The following GRIA2 variants were observed in gnomAD, a reference collection of about 807,000 sequenced individuals.
GRIA2 encodes glutamate ionotropic receptor AMPA type subunit 2, also known as glutamate receptor 2.
Under a neutral mutation model 97.3 loss-of-function variants are expected in GRIA2, and 14 were observed. The ratio of observed to expected loss-of-function variants is 0.14; its 90% confidence interval spans 0.10 to 0.23. GRIA2 has a LOEUF of 0.23. GRIA2 is among the 10% of genes least tolerant of loss of function. The pLI is 1.00. For synonymous variants in GRIA2, 412 were observed against 387.8 expected (o/e 1.06, Z -0.73); for missense variants, 558 against 1,069.8 (o/e 0.52, Z 6.67).
intron 2 of GRIA2, among the ~76,000 whole-genome samples, chr4:157,239,159 C>T (rs142375767): frequency 1.2e-4 from 18 of 152,118 alleles, no homozygotes; most frequent in African/African-American, 4.3e-4. Context: ...TAGAACTATT[C>T]CCATGAAATA....
At chr4:157,363,370 T>C in intron 15 of GRIA2, 65 bp from the exon 16 acceptor site, 1 of 1,066,342 alleles carries the variant, frequency 9.4e-7, no homozygotes, top group Non-Finnish European at 1.2e-6. Flanking sequence ...GCCTTTCCTC[T>C]GGATGCATTT....
intron 3 of GRIA2, among the ~76,000 whole-genome samples, chr4:157,308,527 A>G (rs1192894081): frequency 1.3e-5 from 2 of 152,212 alleles, no homozygotes; most frequent in Admixed American, 1.3e-4. Context: ...TAGATGATCA[A>G]CTATGTATCT....
chr4:157,264,652 A>G lies in GRIA2; in HGVS notation c.230-38900A>G, dbSNP rs1000917692. Among the ~76,000 whole-genome samples the G allele has an allele frequency of 6.6e-5, 10 of 152,084 alleles. No homozygotes were observed. The East Asian group carries it at 1.9e-3, about 29-fold the overall frequency. On this transcript the variant is annotated intron_variant, in intron 2 of 15. Coordinates refer to ENST00000264426, the MANE Select transcript of GRIA2 (RefSeq NM_001083619.3). ...ACATGGGGGACCATTTATTCTACCC[A>G]CCACAGATGATTGTAACATAATAAA... is the stretch of plus-strand genomic sequence containing the variant.
intron 11 of GRIA2, among the ~76,000 whole-genome samples, chr4:157,338,144 A>T (rs1022273648): frequency 6.6e-6 from 1 of 150,940 alleles, no homozygotes; most frequent in African/African-American, 2.4e-5. Flanking sequence ...AAAGATATAC[A>T]GAGAAGTTTC....
chr4:157,275,607 A>G (rs1040500550), intron 2 of GRIA2, among the ~76,000 whole-genome samples: 1 of 152,140 alleles, frequency 6.6e-6, no homozygotes, highest in Admixed American at 6.6e-5. Flanking sequence ...TTTTCCCAGC[A>G]CCATTTATTA....
intron 2 of GRIA2, among the ~76,000 whole-genome samples, chr4:157,261,636 A>C (rs2126769118): frequency 6.6e-6 from 1 of 152,270 alleles, no homozygotes; most frequent in East Asian, 1.9e-4. Flanking sequence ...CAATATGTGG[A>C]AATTAGATTA....
rs921569903 is a variant in GRIA2 at position 157,363,731 on chromosome 4, G to C, written c.*300G>C. ...TTCTTAAATATGTGGAGTTCATCTTGAATTGTAAGGAATGATTAATTAAAA... is the reference window on the plus strand; with the variant it reads ...TTCTTAAATATGTGGAGTTCATCTTCAATTGTAAGGAATGATTAATTAAAA... On this transcript the variant is annotated 3_prime_UTR_variant, in exon 16 of 16. Transcript: ENST00000264426. The C allele has an allele frequency of 2.4e-6, 1 of 418,328 alleles. No individual in the cohort carries two copies. Among genetic ancestry groups the C allele is most frequent in the Admixed American group, 4.4e-5 (1 of 22,648 alleles). The allele number at this position is 418,328 out of a possible 1,614,324, so 25.9% of individuals were successfully genotyped here. A position where few individuals can be genotyped will look rare whatever the true frequency, so the allele number is the denominator to read the frequency against.
At chr4:157,311,010 T>G (rs776433875) in intron 3 of GRIA2, among the ~76,000 whole-genome samples, 15 of 152,046 alleles carry the variant, frequency 9.9e-5, no homozygotes, top group Non-Finnish European at 1.5e-4. Flanking sequence ...TTTTGGGTAG[T>G]TACCAGTAGT....
intron 6 of GRIA2, among the ~76,000 whole-genome samples, chr4:157,331,652 G>T (rs1418625163): frequency 6.6e-6 from 1 of 151,878 alleles, no homozygotes; most frequent in African/African-American, 2.4e-5. Context: ...GTCCTGTATT[G>T]TCATCTCAGG....
At position 157,221,181 on chromosome 4, in the gene GRIA2, T is replaced by C. The variant is rs747780560; in HGVS notation, c.88+51T>C. ...TGAATTGTGCATAATTTGGTGGTAA[T>C]CTTTGTTCACAGTGTACAAATTAAT... On this transcript the variant is annotated intron_variant, in intron 1 of 15. Transcript: ENST00000264426. The C allele has an allele frequency of 7.5e-6, 7 of 934,544 alleles. No individual in the cohort carries two copies. The East Asian group carries it at 1.2e-4, about 16-fold the overall frequency. 57.9% of individuals were successfully genotyped at this position (934,544 alleles called of 1,614,324 possible). A position where few individuals can be genotyped will look rare whatever the true frequency, so the allele number is the denominator to read the frequency against.
chr4:157,332,755 G>T lies in GRIA2; in HGVS notation c.883-64G>T, dbSNP rs142738440. 3.9e-4 allele frequency: 477 copies of T among 1,214,894 alleles called. 3 individuals carry two copies. In the African/African-American group the frequency reaches 6.1e-3, roughly 16 times the overall value. The allele number at this position is 1,214,894 out of a possible 1,614,324, so 75.3% of individuals were successfully genotyped here. A position where few individuals can be genotyped will look rare whatever the true frequency, so the allele number is the denominator to read the frequency against. On this transcript the variant is annotated intron_variant, in intron 6 of 15. Coordinates refer to ENST00000264426, the MANE Select transcript of GRIA2 (RefSeq NM_001083619.3). Reference sequence around the variant, plus strand: ...GTGCTGAGCAACTGCAGTCTTGATTGCTGGGGTGCAGTGAGTTTCTGAATT... The same window carrying T: ...GTGCTGAGCAACTGCAGTCTTGATTTCTGGGGTGCAGTGAGTTTCTGAATT...
At chr4:157,272,576 A>G (rs1732082853) in intron 2 of GRIA2, among the ~76,000 whole-genome samples, 1 of 152,050 alleles carries the variant, frequency 6.6e-6, no homozygotes, top group Non-Finnish European at 1.5e-5. Context: ...AATGTGTTTC[A>G]CCTTCTAGAG....
At chr4:157,328,388 G>T (rs891345050) in intron 6 of GRIA2, among the ~76,000 whole-genome samples, 1 of 151,974 alleles carries the variant, frequency 6.6e-6, no homozygotes, top group South Asian at 2.1e-4. Context: ...CTGTCTCTTA[G>T]AGATTGTAGT....
At chr4:157,257,308 C>T (rs889903003) in intron 2 of GRIA2, among the ~76,000 whole-genome samples, 12 of 151,926 alleles carry the variant, frequency 7.9e-5, no homozygotes, top group Non-Finnish European at 1.8e-4. Context: ...TTTAATCGCC[C>T]TCTGAGGTTG....
intron 2 of GRIA2, among the ~76,000 whole-genome samples, chr4:157,278,019 A>G (rs955304300): frequency 6.6e-6 from 1 of 151,248 alleles, no homozygotes; most frequent in Non-Finnish European, 1.5e-5. Context: ...GAAAGACTCA[A>G]TGTTGTCAAG....
chr4:157,358,486 AC>A (rs940104443), intron 12 of GRIA2, among the ~76,000 whole-genome samples: 1 of 152,166 alleles, frequency 6.6e-6, no homozygotes, highest in African/African-American at 2.4e-5. Context: ...AATAGATTTA[AC>A]AGTGGTTTAC....
At chr4:157,268,938 A>G (rs998309833) in intron 2 of GRIA2, among the ~76,000 whole-genome samples, 6 of 152,098 alleles carry the variant, frequency 3.9e-5, no homozygotes, top group Admixed American at 3.9e-4. Context: ...GTTGGAGAGA[A>G]TTAGAAAAGT....
intron 2 of GRIA2, among the ~76,000 whole-genome samples, chr4:157,276,255 A>G (rs1259547998): frequency 6.6e-6 from 1 of 152,134 alleles, no homozygotes; most frequent in Non-Finnish European, 1.5e-5. Context: ...AAATCCCCAA[A>G]TAGTTGTATA....
chr4:157,321,661 C>T, intron 6 of GRIA2, 62 bp downstream of exon 6: 1 of 1,157,080 alleles, frequency 8.6e-7, no homozygotes, highest in Middle Eastern at 2.2e-4. Context: ...AGAGTCTTGG[C>T]AAATAAGGAG....
Sources: allele counts gnomAD v4.1 joint callset (sites outside exome capture counted in the v4.1 genomes callset), GRCh38; gene constraint gnomAD v4.1.1; transcripts MANE v1.5; gene names NCBI Gene and HGNC (gene_info 2026-07-23, HGNC 2026-07-21).